Variants in ADGB observed in about 807,000 individuals in gnomAD.
ADGB encodes calpain-7-like protein.
ADGB carries 172 observed loss-of-function variants against 210.5 expected under a neutral mutation model. The observed-to-expected ratio is 0.82, with a 90% CI of 0.72 to 0.93. ADGB has a LOEUF of 0.93. ADGB is among the 40% of genes least tolerant of loss of function. ADGB has a pLI of 0.00. For synonymous variants in ADGB, 658 were observed against 662.7 expected, an observed-to-expected ratio of 0.99 and a Z score of 0.11; for missense variants, 2,025 against 1,964.8, an observed-to-expected ratio of 1.03 and a Z score of -0.58.
chr6:146,645,887 T>G lies in ADGB; in HGVS notation c.330+1022T>G, dbSNP rs773426295. The stretch of plus-strand genomic sequence containing the variant: ...ATAGAATATATATGAGCCATGCTTT[T>G]AAGTTACTTATAGTAACTTAAAGTT... On this transcript the variant is annotated intron_variant, in intron 3 of 35. Coordinates refer to ENST00000397944, the MANE Select transcript of ADGB (RefSeq NM_024694.4). Among the ~76,000 whole-genome samples the G allele has an allele frequency of 4.6e-5, 7 of 152,032 alleles. No individual in the cohort carries two copies. In the East Asian group the frequency reaches 9.7e-4, roughly 21 times the overall value.
In ADGB at chr6:146,691,204, T is replaced by C; in HGVS notation, c.1400T>C (p.Leu467Pro). 6.5e-7 allele frequency: 1 copy of C among 1,549,772 alleles called. No homozygotes were observed. Among genetic ancestry groups the C allele is most frequent in the South Asian group, 1.2e-5 (1 of 83,942 alleles). Residue 467 changes from leucine to proline, a missense_variant, in exon 11 of 36, where the codon CTG (leucine) becomes CCG (proline). Leu to Pro is a moderately conservative substitution (Grantham distance 98, BLOSUM62 -3). Transcript: ENST00000397944. ...VLVTRSRSCP[L>P]VAPPKPPPLP... ...GTGACTAGAAGTAGGTCTTGTCCTC[T>C]GGTAGCACCACCAAAACCACCTCCT...
chr6:146,621,606 A>G (rs1202803992), intron 1 of ADGB, among the ~76,000 whole-genome samples: 2 of 152,092 alleles, frequency 1.3e-5, no homozygotes, highest in Non-Finnish European at 2.9e-5. Context: ...CTGATGCCCT[A>G]ATGGGTTTCT....
intron 16 of ADGB, 133 bp downstream of exon 16, chr6:146,717,732 G>T: frequency 4.3e-6 from 2 of 461,660 alleles, no homozygotes; most frequent in South Asian, 7.9e-5. Context: ...AATTTTTAGA[G>T]TCTCTCACTA....
rs547075062 is a variant in ADGB, at chr6:146,774,458, T to C, written c.3862+5327T>C. On this transcript the variant is annotated intron_variant, in intron 29 of 35. Transcript: ENST00000397944. ...TGTGTGAATGACCAGCTGCTAAAAT[T>C]AAATTACACTTTGGATTACATAGTA... Among the ~76,000 whole-genome samples the C allele has an allele frequency of 1.5e-4, 23 of 152,348 alleles. No individual in the cohort carries two copies. In the South Asian group the frequency reaches 3.9e-3, roughly 26 times the overall value.
chr6:146,688,959 A>G (rs1306143376), intron 10 of ADGB, among the ~76,000 whole-genome samples: 1 of 152,130 alleles, frequency 6.6e-6, no homozygotes, highest in African/African-American at 2.4e-5. Context: ...GAAAATCAAG[A>G]ACAAAACTCG....
intron 3 of ADGB, among the ~76,000 whole-genome samples, chr6:146,650,758 C>A (rs1442163005): frequency 1.3e-5 from 2 of 152,000 alleles, no homozygotes; most frequent in Non-Finnish European, 2.9e-5. Context: ...TTTCAAAGCA[C>A]CCTCAGAGGT....
At position 146,706,997 on chromosome 6, in the gene ADGB, T is replaced by G. The variant is rs115259020; in HGVS notation, c.1707+5927T>G. 8.5e-3 allele frequency among the ~76,000 whole-genome samples: 1,295 copies of G among 152,196 alleles called. 20 individuals carry two copies. The highest frequency in any genetic ancestry group is 0.03 in the African/African-American group (1,230 of 41,550). On this transcript the variant is annotated intron_variant, in intron 13 of 35. Transcript: ENST00000397944. ...TTAAATTTGAAATTCTTCTTTAAAT[T>G]TCCCTCTTAGAGCTTCATTTACTGC... is the stretch of plus-strand genomic sequence containing the variant.
At chr6:146,717,092 TCTGA>T in intron 15 of ADGB, 23 bp downstream of exon 15, 1 of 1,532,164 alleles carries the variant, frequency 6.5e-7, no homozygotes. Flanking sequence ...ATGGGATCAA[TCTGA>T]CTATGTCGTA....
At chr6:146,739,008 G>A (rs1029686746) in intron 23 of ADGB, among the ~76,000 whole-genome samples, 2 of 152,172 alleles carry the variant, frequency 1.3e-5, no homozygotes, top group African/African-American at 4.8e-5. Flanking sequence ...ACTCAGTCAG[G>A]TATATCACCC....
rs185302089 is a variant in ADGB, at chr6:146,633,584, G to C, written c.75-1791G>C. Among the ~76,000 whole-genome samples, 5 of 152,074 alleles carry C rather than the reference G, an allele frequency of 3.3e-5. No individual in the cohort carries two copies. The East Asian group carries it at 9.7e-4, about 29-fold the overall frequency. On this transcript the variant is annotated intron_variant, in intron 1 of 35. Transcript: ENST00000397944. ...TAAGTCAGGATGTCCTCTGCATCTG[G>C]AATACTCTTCCTTCCTGTATCTGGA...
At chr6:146,726,527 C>A (rs553528898) in intron 19 of ADGB, among the ~76,000 whole-genome samples, 1 of 152,238 alleles carries the variant, frequency 6.6e-6, no homozygotes, top group Admixed American at 6.5e-5. Context: ...CCAGCCACAA[C>A]TGCAATTTTT....
chr6:146,696,031 T>A (rs751083090), intron 12 of ADGB, among the ~76,000 whole-genome samples: 13 of 152,118 alleles, frequency 8.5e-5, no homozygotes, highest in Non-Finnish European at 1.6e-4. Context: ...TTGCAGTGAT[T>A]ATACAAAAGC....
At chr6:146,625,854 GT>G (rs556974856) in intron 1 of ADGB, among the ~76,000 whole-genome samples, 1 of 151,460 alleles carries the variant, frequency 6.6e-6, no homozygotes, top group East Asian at 1.9e-4. Flanking sequence ...GTTAGATCTT[GT>G]TTTTTTTAAT....
At chr6:146,664,489 A>G (rs578061385) in intron 6 of ADGB, 149 bp downstream of exon 6, 2 of 754,756 alleles carry the variant, frequency 2.6e-6, no homozygotes, top group Admixed American at 3.9e-5. Context: ...AAAATCAAAT[A>G]CGCCAAAACC....
chr6:146,786,547 G>A (rs546056052), intron 32 of ADGB, among the ~76,000 whole-genome samples: 2 of 152,268 alleles, frequency 1.3e-5, no homozygotes, highest in African/African-American at 4.8e-5. Context: ...GATAGGCAAA[G>A]CATTTTACAT....
At chr6:146,663,205 T>C (rs1775890282) in intron 5 of ADGB, among the ~76,000 whole-genome samples, 1 of 142,988 alleles carries the variant, frequency 7.0e-6, no homozygotes, top group African/African-American at 2.6e-5. Flanking sequence ...ATTAAGGTTT[T>C]TTATATATAT....
At chr6:146,710,335 C>CAT (rs1423460547) in intron 13 of ADGB, among the ~76,000 whole-genome samples, 1 of 151,662 alleles carries the variant, frequency 6.6e-6, no homozygotes, top group African/African-American at 2.4e-5. Flanking sequence ...TATTTTTTCC[C>CAT]ATATAGATAC....
At chr6:146,613,909 A>G (rs981688477) in intron 1 of ADGB, among the ~76,000 whole-genome samples, 2 of 151,950 alleles carry the variant, frequency 1.3e-5, no homozygotes, top group Non-Finnish European at 2.9e-5. Context: ...TAATAAAATT[A>G]TAGACTAATT....
rs746851355 is a variant in ADGB, at chr6:146,721,492, G to T, written c.2082G>T (p.Trp694Cys). ...TTTGCTTTTCTGCATTGGTACGCTG[G>T]GGGGAGTATGGAGGTAAGAGGGCTC... is the stretch of plus-strand genomic sequence containing the variant. Reference protein sequence around the residue: ...LLVCFSALVRWGEYGALTKDS... With the variant: ...LLVCFSALVRCGEYGALTKDS... Residue 694 changes from tryptophan to cysteine, a missense_variant, in exon 17 of 36, where the codon TGG becomes TGT. By Grantham distance (215) the Trp-to-Cys change is radical. Transcript: ENST00000397944. 37 of 1,545,876 alleles carry T rather than the reference G, an allele frequency of 2.4e-5. No individual in the cohort carries two copies. The highest frequency in any genetic ancestry group is 1.8e-4 in the Admixed American group (9 of 50,952).
Sources: gnomAD v4.1 joint callset for allele counts (sites outside exome capture counted in the v4.1 genomes callset) on GRCh38, gnomAD v4.1.1 for gene constraint, MANE v1.5 for transcripts, NCBI Gene and HGNC (gene_info 2026-07-23, HGNC 2026-07-21) for gene names.